Variants in RIC1 observed in about 807,000 individuals in gnomAD.
RIC1 encodes the protein RIC1 partner of RAB6A GEF complex.
Under a neutral mutation model 169.0 loss-of-function variants are expected in RIC1, and 88 were observed. That is an observed-to-expected ratio of 0.52 (90% CI 0.44 to 0.62). The LOEUF is 0.62. Among genes scored for constraint, RIC1 ranks in the 20% least tolerant of loss-of-function variants. RIC1 has a pLI of 0.00. For synonymous variants in RIC1, 790 were observed against 601.5 expected, an observed-to-expected ratio of 1.31 and a Z score of -4.59; for missense variants, 1,877 against 1,725.5, an observed-to-expected ratio of 1.09 and a Z score of -1.56.
chr9:5,676,000 G>C lies in RIC1; in HGVS notation c.253-13959G>C, dbSNP rs1268746127. ...TGCCTTTAACCTCCCAACTGCCCTT[G>C]GTCATTCCTGGGCCTAGGCCATGCT... On this transcript the variant is annotated intron_variant, in intron 2 of 25. Transcript: ENST00000414202. Among the ~76,000 whole-genome samples the C allele has an allele frequency of 3.9e-5, 6 of 152,124 alleles. No individual in the cohort carries two copies. The East Asian group carries it at 1.2e-3, about 29-fold the overall frequency.
In RIC1 at chr9:5,629,204, C is replaced by T. The variant is rs1817595393; in HGVS notation, c.-106C>T. Reference sequence around the variant, plus strand: ...GGGCAGATGCCCCGAGCTGCCGCCGCCGCCGCCGCCGACTCGGCCGGTGGC... The same window carrying T: ...GGGCAGATGCCCCGAGCTGCCGCCGTCGCCGCCGCCGACTCGGCCGGTGGC... On this transcript the variant is annotated 5_prime_UTR_variant, in exon 1 of 26. Coordinates refer to ENST00000414202, the MANE Select transcript of RIC1 (RefSeq NM_020829.4). 2 of 1,187,958 alleles carry T rather than the reference C, an allele frequency of 1.7e-6. No homozygotes were observed. The highest frequency in any genetic ancestry group is 4.3e-5 in the Admixed American group (1 of 23,290). The allele number at this position is 1,187,958 out of a possible 1,614,324, so 73.6% of individuals were successfully genotyped here. A position where few individuals can be genotyped will look rare whatever the true frequency, so the allele number is the denominator to read the frequency against.
intron 17 of RIC1, among the ~76,000 whole-genome samples, chr9:5,761,774 G>A (rs183098451): frequency 2.0e-5 from 3 of 152,270 alleles, no homozygotes; most frequent in Non-Finnish European, 4.4e-5. Flanking sequence ...AAACAGGGCT[G>A]CTCAAAGTTT....
At chr9:5,664,918 T>C (rs1339692901) in intron 2 of RIC1, among the ~76,000 whole-genome samples, 1 of 152,244 alleles carries the variant, frequency 6.6e-6, no homozygotes, top group African/African-American at 2.4e-5. Context: ...ATAGTTGTGA[T>C]TGCATTGTGA....
chr9:5,704,714 G>A (rs1351586963), intron 3 of RIC1, among the ~76,000 whole-genome samples: 1 of 151,826 alleles, frequency 6.6e-6, no homozygotes, highest in East Asian at 1.9e-4. Flanking sequence ...GTTCCTTACA[G>A]TTTTTTTATA....
chr9:5,757,984 A>AAT (rs1462391912), intron 17 of RIC1, among the ~76,000 whole-genome samples: 2 of 152,214 alleles, frequency 1.3e-5, no homozygotes, highest in African/African-American at 4.8e-5. Context: ...AGGTATTATT[A>AAT]GATCTAAGCT....
At chr9:5,634,294 T>A (rs982631041) in intron 1 of RIC1, among the ~76,000 whole-genome samples, 10 of 152,210 alleles carry the variant, frequency 6.6e-5, no homozygotes, top group African/African-American at 2.4e-4. Flanking sequence ...GTTTTTAGTT[T>A]GAGGAACTTC....
In RIC1 at chr9:5,762,670, G is replaced by A. The variant is rs747645894; in HGVS notation, c.2112+10G>A. ...TAACCAAAGGAAACTTGTGAGTAAA[G>A]TACTAGTCATTTCTTTTCAAACATT... On this transcript the variant is annotated intron_variant, in intron 18 of 25. Coordinates refer to ENST00000414202, the MANE Select transcript of RIC1 (RefSeq NM_020829.4). 6.2e-6 allele frequency: 10 copies of A among 1,612,132 alleles called. No homozygotes were observed. The highest frequency in any genetic ancestry group is 8.5e-6 in the Non-Finnish European group (10 of 1,179,140).
intron 1 of RIC1, among the ~76,000 whole-genome samples, chr9:5,634,096 GTA>G (rs1215773878): frequency 1.3e-5 from 2 of 152,298 alleles, no homozygotes; most frequent in East Asian, 3.9e-4. Context: ...TTTTATGTGT[GTA>G]TGTGTGTGTG....
intron 1 of RIC1, among the ~76,000 whole-genome samples, chr9:5,649,615 T>A (rs978194589): frequency 6.6e-6 from 1 of 152,154 alleles, no homozygotes; most frequent in African/African-American, 2.4e-5. Context: ...TTTTGTGTTC[T>A]CTATCTCACT....
At chr9:5,749,523 G>A (rs1195387648) in intron 12 of RIC1, among the ~76,000 whole-genome samples, 2 of 152,012 alleles carry the variant, frequency 1.3e-5, no homozygotes, top group Non-Finnish European at 2.9e-5. Context: ...TTTTGTTTGC[G>A]TGATTTATTC....
At position 5,629,650 on chromosome 9, in the gene RIC1, C is replaced by A. The variant is rs576346443; in HGVS notation, c.144+197C>A. ...CAGGCACGTCCTCCAGCCGGCGGTC[C>A]GGGGTGGATGAAGTCGCTGCTGCCG... On this transcript the variant is annotated intron_variant, in intron 1 of 25. Transcript: ENST00000414202. 5.3e-4 allele frequency among the ~76,000 whole-genome samples: 80 copies of A among 152,236 alleles called. 1 individual carries two copies. Among genetic ancestry groups the A allele is most frequent in the Admixed American group, 9.1e-4 (14 of 15,306 alleles).
In RIC1 at chr9:5,774,198, G is replaced by A; in HGVS notation, c.4224G>A (p.Glu1408=). 2 of 1,613,794 alleles carry A rather than the reference G, an allele frequency of 1.2e-6. No homozygotes were observed. Among genetic ancestry groups the A allele is most frequent in the Non-Finnish European group, 1.7e-6 (2 of 1,179,870 alleles). ...SRKEEDTAQA[E]EEEPFQDGTY... ...AAGAGGAGGACACAGCCCAAGCAGA[G>A]GAGGAAGAACCTTTTCAGGATGGGA... The change falls in exon 26 of 26, where the codon GAG becomes GAA. Residue 1408 remains glutamate (E), a synonymous_variant. Transcript: ENST00000414202.
chr9:5,683,318 G>T (rs1022842506), intron 2 of RIC1, among the ~76,000 whole-genome samples: 2 of 152,110 alleles, frequency 1.3e-5, no homozygotes, highest in Admixed American at 1.3e-4. Context: ...GTACAGGTGG[G>T]TTTTTGGTGT....
At position 5,772,588 on chromosome 9, in the gene RIC1, C is replaced by T. The variant is rs1365778790; in HGVS notation, c.3641C>T (p.Ala1214Val). 2 of 1,612,478 alleles carry T rather than the reference C, an allele frequency of 1.2e-6. No individual in the cohort carries two copies. The highest frequency in any genetic ancestry group is 2.7e-5 in the African/African-American group (2 of 74,864). The change falls in exon 24 of 26, where the codon GCC (alanine) becomes GTC (valine). Residue 1214 changes from alanine (A) to valine (V), a missense_variant. Transcript: ENST00000414202. ...GGTGATGAATGCAGTATTGGTTCAG[C>T]CACAGACTTGACTGAAAGTAGCTCC... ...NKGDECSIGSATDLTESSSMV... is the reference protein window; with the variant it reads ...NKGDECSIGSVTDLTESSSMV...
rs562805047 is a variant in RIC1, at chr9:5,660,305, G to A, written c.252+3615G>A. On this transcript the variant is annotated intron_variant, in intron 2 of 25. Coordinates refer to ENST00000414202, the MANE Select transcript of RIC1 (RefSeq NM_020829.4). ...TGTCTTTGCTATTGTGAATAGTGCTGCAGTGAATATATGCATGCATGAATG... is the reference window on the plus strand; with the variant it reads ...TGTCTTTGCTATTGTGAATAGTGCTACAGTGAATATATGCATGCATGAATG... 3.3e-5 allele frequency among the ~76,000 whole-genome samples: 5 copies of A among 152,232 alleles called. No homozygotes were observed. In the South Asian group the frequency reaches 1.0e-3, roughly 32 times the overall value.
At chr9:5,645,376 G>A (rs1262962891) in intron 1 of RIC1, among the ~76,000 whole-genome samples, 3 of 152,172 alleles carry the variant, frequency 2.0e-5, no homozygotes, top group Admixed American at 6.5e-5. Flanking sequence ...TTATTATTCA[G>A]TTGTAAGAGT....
At chr9:5,678,571 C>T (rs201989759) in intron 2 of RIC1, among the ~76,000 whole-genome samples, 12 of 151,964 alleles carry the variant, frequency 7.9e-5, no homozygotes, top group Admixed American at 2.6e-4. Flanking sequence ...CTCATAGTGG[C>T]TTTGATTTGC....
chr9:5,684,828 G>A (rs931557080), intron 2 of RIC1, among the ~76,000 whole-genome samples: 4 of 152,064 alleles, frequency 2.6e-5, no homozygotes, highest in African/African-American at 9.7e-5. Context: ...TCCAGATATG[G>A]AAGTTTCCCA....
chr9:5,759,867 A>G (rs1043660971), intron 17 of RIC1, among the ~76,000 whole-genome samples: 1 of 152,182 alleles, frequency 6.6e-6, no homozygotes, highest in Non-Finnish European at 1.5e-5. Context: ...TCATTATACT[A>G]TTCTCCATAC....
Sources: gnomAD v4.1 joint callset for allele counts (sites outside exome capture counted in the v4.1 genomes callset) on GRCh38, gnomAD v4.1.1 for gene constraint, MANE v1.5 for transcripts, NCBI Gene and HGNC (gene_info 2026-07-23, HGNC 2026-07-21) for gene names.